The following DDIAS variants were observed in gnomAD, a reference collection of about 807,000 sequenced individuals.
DDIAS encodes the protein DNA damage-induced apoptosis suppressor protein.
Under a neutral mutation model 15.7 loss-of-function variants are expected in DDIAS, and 14 were observed. The ratio of observed to expected loss-of-function variants is 0.89; its 90% CI spans 0.59 to 1.39. The LOEUF (loss-of-function observed/expected upper bound fraction) is 1.39. Among genes scored for constraint, DDIAS ranks in the 40% most tolerant of loss-of-function variants. The pLI is 0.00. For synonymous variants in DDIAS, 355 were observed against 395.9 expected, an observed-to-expected ratio of 0.90 and a Z score of 1.23; for missense variants, 1,035 against 1,130.9, an observed-to-expected ratio of 0.92 and a Z score of 1.22.
intron 3 of DDIAS, among the ~76,000 whole-genome samples, chr11:82,918,700 G>A (rs1052393325): frequency 1.3e-5 from 2 of 152,202 alleles, no homozygotes; most frequent in Non-Finnish European, 2.9e-5. Context: ...ACCTATCCAC[G>A]AGCATGGGAT....
intron 3 of DDIAS, among the ~76,000 whole-genome samples, chr11:82,923,864 A>G (rs1026187967): frequency 3.9e-5 from 6 of 152,232 alleles, no homozygotes; most frequent in African/African-American, 1.4e-4. Context: ...TGAAGCAGTA[A>G]CTACACATAC....
At chr11:82,912,832 T>C (rs1048020838) in intron 1 of DDIAS, among the ~76,000 whole-genome samples, 5 of 152,230 alleles carry the variant, frequency 3.3e-5, no homozygotes, top group Non-Finnish European at 5.9e-5. Flanking sequence ...TATGTGACTC[T>C]TCCTTTCACC....
At chr11:82,918,760 A>T (rs1860683128) in intron 3 of DDIAS, among the ~76,000 whole-genome samples, 1 of 151,712 alleles carries the variant, frequency 6.6e-6, no homozygotes, top group Non-Finnish European at 1.5e-5. Flanking sequence ...AATGTTTTGT[A>T]GTTTTTCTTG....
At chr11:82,902,420 T>A (rs895098915) in intron 1 of DDIAS, among the ~76,000 whole-genome samples, 6 of 148,484 alleles carry the variant, frequency 4.0e-5, no homozygotes, top group Admixed American at 6.8e-5. Flanking sequence ...CTGGTTCTCC[T>A]GCTTTCAATC....
chr11:82,913,171 T>C (rs1440349852), intron 1 of DDIAS, 116 bp from the exon 2 acceptor site: 1 of 152,196 alleles, frequency 6.6e-6, no homozygotes, highest in African/African-American at 2.4e-5. Flanking sequence ...GCTATAAACC[T>C]TCAATTTGTA....
intron 4 of DDIAS, among the ~76,000 whole-genome samples, chr11:82,929,703 CAA>C (rs35770177): frequency 2.1e-4 from 18 of 86,320 alleles, no homozygotes; most frequent in Non-Finnish European, 1.6e-4. Flanking sequence ...GACTCTGTCT[CAA>C]AAAAAAAAAA....
intron 1 of DDIAS, among the ~76,000 whole-genome samples, chr11:82,903,598 A>T: frequency 6.6e-6 from 1 of 150,980 alleles, no homozygotes; most frequent in Non-Finnish European, 1.5e-5. Context: ...CTTAATTTTC[A>T]CTCTCCTGCC....
chr11:82,933,798 C>A lies in DDIAS; in HGVS notation c.2460C>A (p.Ser820Arg). The A allele has an allele frequency of 6.2e-7, 1 of 1,613,258 alleles. No individual in the cohort carries two copies. Among genetic ancestry groups the A allele is most frequent in the Non-Finnish European group, 8.5e-7 (1 of 1,179,870 alleles). ...IFPENDKQQA[S>R]PSCPKNIKTP... ...CTGAAAATGACAAACAGCAAGCCAG[C>A]CCAAGCTGTCCAAAAAATATAAAAA... Residue 820 changes from serine (S) to arginine (R), a missense_variant, in exon 6 of 6, where the codon AGC (serine) becomes AGA (arginine). By Grantham distance (110) the Ser-to-Arg change is moderately radical. Coordinates refer to ENST00000533655, the MANE Select transcript of DDIAS (RefSeq NM_145018.4).
Position 82,932,093 on chromosome 11 carries a change from T to C in DDIAS, c.755T>C (p.Leu252Pro). ...GAATTCACTTGCATTGTTTCACAAC[T>C]AACAGATAATGATGATTTTTCAGCT... ...SLEFTCIVSQLTDNDDFSASE... is the reference protein window; with the variant it reads ...SLEFTCIVSQPTDNDDFSASE... The change falls in exon 6 of 6, where the codon CTA (leucine) becomes CCA (proline). Residue 252 changes from leucine (L) to proline (P), a missense_variant. Leu to Pro is a moderately conservative substitution (Grantham distance 98). Coordinates refer to ENST00000533655, the MANE Select transcript of DDIAS (RefSeq NM_145018.4). 1 of 1,614,132 alleles carries C rather than the reference T, an allele frequency of 6.2e-7. No homozygotes were observed.
chr11:82,929,304 A>T lies in DDIAS; in HGVS notation c.275+366A>T, dbSNP rs116182854. ...GGCAGAAGAATCTATTTGAGGGAAT[A>T]TTTGCATTTCAGAAATTGAAATTTT... On this transcript the variant is annotated intron_variant, in intron 4 of 5. Coordinates refer to ENST00000533655, the MANE Select transcript of DDIAS (RefSeq NM_145018.4). Among the ~76,000 whole-genome samples the T allele has an allele frequency of 3.2e-3, 494 of 152,334 alleles. 4 individuals carry two copies. Among genetic ancestry groups the T allele is most frequent in the African/African-American group, 0.011 (470 of 41,570 alleles).
intron 3 of DDIAS, chr11:82,922,534 G>T (rs1188543330): frequency 6.6e-6 from 1 of 152,086 alleles, no homozygotes; most frequent in Non-Finnish European, 1.5e-5. Context: ...TTGCATTTTT[G>T]TAAGTGTGTC....
chr11:82,901,757 C>G lies in DDIAS; in HGVS notation c.-182C>G, dbSNP rs1860306499. On this transcript the variant is annotated 5_prime_UTR_variant, in exon 1 of 6. Transcript: ENST00000533655. ...ATTCGATTGGAAGGCTGCCGGCGTG[C>G]TACTGAGTTCGGCCGGTCCGAGTCA... 1 of 152,224 alleles carries G rather than the reference C, an allele frequency of 6.6e-6. No individual in the cohort carries two copies. 9.4% of individuals were successfully genotyped at this position (152,224 alleles called of 1,614,324 possible). A position where few individuals can be genotyped will look rare whatever the true frequency, so the allele number is the denominator to read the frequency against.
In DDIAS at chr11:82,934,148, A is replaced by G. The variant is rs201249096; in HGVS notation, c.2810A>G (p.Tyr937Cys). Residue 937 changes from tyrosine to cysteine, a missense_variant, in exon 6 of 6, where the codon TAT becomes TGT. Physicochemically the swap from Tyr to Cys is radical, Grantham distance 194 (BLOSUM62 -2). Coordinates refer to ENST00000533655, the MANE Select transcript of DDIAS (RefSeq NM_145018.4). ...GTTACGAAAAAGAAAACTCATAAAT[A>G]TAACTGTAAAAGTTCAGGCTGGATT... ...AVVTKKKTHK[Y>C]NCKSSGWISK... is the part of the protein sequence containing the mutation. 1.0e-4 allele frequency: 161 copies of G among 1,612,920 alleles called. 1 individual carries two copies. The East Asian group carries it at 3.4e-3, about 34-fold the overall frequency.
chr11:82,934,485 T>A lies in DDIAS; in HGVS notation c.*150T>A. The A allele has an allele frequency of 1.4e-6, 1 of 730,274 alleles. No individual in the cohort carries two copies. The highest frequency in any genetic ancestry group is 2.1e-6 in the Non-Finnish European group (1 of 480,956). 45.2% of individuals were successfully genotyped at this position (730,274 alleles called of 1,614,324 possible). Reference sequence around the variant, plus strand: ...CTGGGAGCTACTGTGCCTTTTAAAATATAAAGCCATTGTTTTCCCCAGGGT... The same window carrying A: ...CTGGGAGCTACTGTGCCTTTTAAAAAATAAAGCCATTGTTTTCCCCAGGGT... On this transcript the variant is annotated 3_prime_UTR_variant, in exon 6 of 6. Transcript: ENST00000533655.
At chr11:82,930,571 G>A (rs374404031) in intron 5 of DDIAS, among the ~76,000 whole-genome samples, 5 of 151,860 alleles carry the variant, frequency 3.3e-5, no homozygotes, top group African/African-American at 1.2e-4. Context: ...TTTGCCCTCC[G>A]GATTTTGTTC....
chr11:82,925,107 A>G (rs78841203), intron 3 of DDIAS, among the ~76,000 whole-genome samples: 22 of 152,358 alleles, frequency 1.4e-4, no homozygotes, highest in African/African-American at 5.3e-4. Flanking sequence ...GAAACCAGAC[A>G]TTAAAGAGAT....
intron 3 of DDIAS, chr11:82,922,621 T>A (rs1860776096): frequency 6.6e-6 from 1 of 152,214 alleles, no homozygotes; most frequent in South Asian, 2.1e-4. Flanking sequence ...CTCGTATTGT[T>A]TTTTGGATTT....
At chr11:82,921,095 TC>T (rs1472018930) in intron 3 of DDIAS, among the ~76,000 whole-genome samples, 4 of 152,208 alleles carry the variant, frequency 2.6e-5, no homozygotes, top group African/African-American at 4.8e-5. Context: ...TTGTGATATT[TC>T]TCGTTGGACA....
In DDIAS at chr11:82,933,890, AC is replaced by A; in HGVS notation, c.2555del (p.Pro852LeufsTer32). 2.5e-6 allele frequency: 4 copies of A among 1,613,918 alleles called. No individual in the cohort carries two copies. Among genetic ancestry groups the A allele is most frequent in the Non-Finnish European group, 3.4e-6 (4 of 1,179,994 alleles). ...GVSQPDVFNHYPFAECHETDS... is the reference protein window; with the variant it reads ...GVSQPDVFNHXPFAECHETDS... ...TCACAACCAGACGTTTTCAATCACT[AC>A]CCTTTTGCTGAGTGCCATGAAACTG... On this transcript the variant is annotated frameshift_variant, in exon 6 of 6. Coordinates refer to ENST00000533655, the MANE Select transcript of DDIAS (RefSeq NM_145018.4). LOFTEE classifies it low-confidence loss of function (END_TRUNC).
Sources: gnomAD v4.1 joint callset for allele counts (sites outside exome capture counted in the v4.1 genomes callset) on GRCh38, gnomAD v4.1.1 for gene constraint, MANE v1.5 for transcripts, NCBI Gene and HGNC (gene_info 2026-07-23, HGNC 2026-07-21) for gene names.